Variants in FOXP1 observed in about 807,000 individuals in gnomAD.
FOXP1 encodes the protein forkhead box protein P1.
A neutral mutation model predicts 98.2 loss-of-function variants in FOXP1; 15 were observed. That is an observed-to-expected ratio of 0.15 (90% CI 0.10 to 0.24). FOXP1 has a LOEUF of 0.24. Among genes scored for constraint, FOXP1 ranks in the 10% least tolerant of loss-of-function variants. FOXP1 has a pLI of 1.00. For missense variants in FOXP1, 633 were observed against 848.5 expected, an observed-to-expected ratio of 0.75 and a Z score of 3.15; for synonymous variants, 371 against 314.5, an observed-to-expected ratio of 1.18 and a Z score of -1.90.
At chr3:71,349,328 G>A (rs114091292) in intron 4 of FOXP1, among the ~76,000 whole-genome samples, 3,134 of 152,104 alleles carry the variant, frequency 0.021, 112 homozygotes, top group African/African-American at 0.071. Context: ...TTAACATAAC[G>A]CACTTCAACA....
chr3:71,449,932 CAG>C (rs1185703740), intron 3 of FOXP1, among the ~76,000 whole-genome samples: 1 of 152,142 alleles, frequency 6.6e-6, no homozygotes, highest in Non-Finnish European at 1.5e-5. Context: ...TAAAAAATCT[CAG>C]AGAGGTGACT....
chr3:71,205,980 T>A (rs1479946622), intron 5 of FOXP1, among the ~76,000 whole-genome samples: 1 of 152,202 alleles, frequency 6.6e-6, no homozygotes, highest in Non-Finnish European at 1.5e-5. Flanking sequence ...CAGGAATAGT[T>A]TATATTTATC....
At chr3:70,974,027 A>C (rs1443930881) in intron 17 of FOXP1, among the ~76,000 whole-genome samples, 2 of 152,168 alleles carry the variant, frequency 1.3e-5, no homozygotes. Flanking sequence ...TTAGAAGATA[A>C]TGAGACAAGT....
chr3:71,491,923 G>C (rs1030455181), intron 3 of FOXP1, among the ~76,000 whole-genome samples: 1 of 152,148 alleles, frequency 6.6e-6, no homozygotes, highest in Non-Finnish European at 1.5e-5. Flanking sequence ...GGCTTAAAAA[G>C]CTAAATGGGC....
At chr3:71,165,142 T>C (rs2061338802) in intron 6 of FOXP1, among the ~76,000 whole-genome samples, 1 of 151,896 alleles carries the variant, frequency 6.6e-6, no homozygotes, top group African/African-American at 2.4e-5. Flanking sequence ...ACACTTTCTC[T>C]TTCCTGAAAG....
chr3:71,273,386 T>A (rs972987127), intron 5 of FOXP1, among the ~76,000 whole-genome samples: 1 of 152,208 alleles, frequency 6.6e-6, no homozygotes, highest in Non-Finnish European at 1.5e-5. Flanking sequence ...CCACCTCCAA[T>A]ACATGCTCAG....
At chr3:71,194,173 C>A (rs1392789040) in intron 6 of FOXP1, among the ~76,000 whole-genome samples, 1 of 150,610 alleles carries the variant, frequency 6.6e-6, no homozygotes, top group Non-Finnish European at 1.5e-5. Flanking sequence ...CTGCTCTCTT[C>A]ATATAAAATG....
intron 6 of FOXP1, among the ~76,000 whole-genome samples, chr3:71,143,896 C>T (rs546229020): frequency 4.3e-4 from 66 of 152,230 alleles, no homozygotes; most frequent in African/African-American, 1.5e-3. Flanking sequence ...GAAGATGGGG[C>T]TAAGTAAATA....
chr3:71,324,034 T>C (rs1027518503), intron 4 of FOXP1, among the ~76,000 whole-genome samples: 2 of 152,098 alleles, frequency 1.3e-5, no homozygotes, highest in African/African-American at 2.4e-5. Context: ...TGAGGAGAAA[T>C]TCTATAATTT....
chr3:71,318,970 G>A (rs1008150432), intron 4 of FOXP1, among the ~76,000 whole-genome samples: 1 of 152,190 alleles, frequency 6.6e-6, no homozygotes, highest in African/African-American at 2.4e-5. Flanking sequence ...ATTCAAGGAT[G>A]AGGAGGACAT....
In FOXP1 at chr3:71,174,987, C is replaced by A. The variant is rs1211302233; in HGVS notation, c.180+23215G>T. 2.6e-5 allele frequency among the ~76,000 whole-genome samples: 4 copies of A among 151,214 alleles called. No homozygotes were observed. In the East Asian group the frequency reaches 7.8e-4, roughly 29 times the overall value. ...GGAGAGCAGCGCCATGATCTCAGCT[C>A]ACTGCAACCTCCGCCCCCGGGTTCA... On this transcript the variant is annotated intron_variant, in intron 6 of 20. Transcript: ENST00000649528.
chr3:71,429,092 G>A (rs2108372957), intron 3 of FOXP1, among the ~76,000 whole-genome samples: 1 of 152,338 alleles, frequency 6.6e-6, no homozygotes, highest in South Asian at 2.1e-4. Context: ...CCAAGGCACA[G>A]GCTGGGGACG....
At chr3:71,126,210 C>T (rs1015434236) in intron 6 of FOXP1, among the ~76,000 whole-genome samples, 2 of 152,056 alleles carry the variant, frequency 1.3e-5, no homozygotes, top group Non-Finnish European at 2.9e-5. Flanking sequence ...TTTGGCCGGG[C>T]GTGGTGGCTC....
intron 5 of FOXP1, among the ~76,000 whole-genome samples, chr3:71,267,051 C>T (rs1036920844): frequency 6.6e-6 from 1 of 151,938 alleles, no homozygotes; most frequent in Non-Finnish European, 1.5e-5. Context: ...CACATCACCT[C>T]AATACATCAG....
At position 71,472,701 on chromosome 3, in the gene FOXP1, T is replaced by A. The variant is rs557843641; in HGVS notation, c.-168+20725A>T. ...ACTCCTAACAAGGCATTTTGTTAAT[T>A]TTAACTATTCTAGTCCATAAGAGAA... On this transcript the variant is annotated intron_variant, in intron 3 of 20. Coordinates refer to ENST00000649528, the MANE Select transcript of FOXP1 (RefSeq NM_001349338.3). Among the ~76,000 whole-genome samples, 3 of 152,318 alleles carry A rather than the reference T, an allele frequency of 2.0e-5. No individual in the cohort carries two copies. In the East Asian group the frequency reaches 5.8e-4, roughly 29 times the overall value.
At chr3:71,243,551 G>A (rs1479197326) in intron 5 of FOXP1, among the ~76,000 whole-genome samples, 1 of 152,184 alleles carries the variant, frequency 6.6e-6, no homozygotes, top group Non-Finnish European at 1.5e-5. Context: ...GGAACAAACT[G>A]CTCACTTTTA....
chr3:71,067,342 A>G (rs1359024011), intron 7 of FOXP1, among the ~76,000 whole-genome samples: 1 of 152,218 alleles, frequency 6.6e-6, no homozygotes, highest in East Asian at 1.9e-4. Flanking sequence ...GGATTCAGGA[A>G]GAACTGGAAC....
intron 3 of FOXP1, among the ~76,000 whole-genome samples, chr3:71,492,804 T>C (rs1265405461): frequency 6.6e-6 from 1 of 152,182 alleles, no homozygotes; most frequent in Non-Finnish European, 1.5e-5. Context: ...AGGGGAGTCA[T>C]TGATTGCTGA....
At chr3:71,530,040 T>C (rs1056121355) in intron 2 of FOXP1, among the ~76,000 whole-genome samples, 4 of 152,102 alleles carry the variant, frequency 2.6e-5, no homozygotes, top group Non-Finnish European at 5.9e-5. Flanking sequence ...ACCTGTGGGA[T>C]CTGATGCCAT....
Sources: allele counts gnomAD v4.1 joint callset (sites outside exome capture counted in the v4.1 genomes callset), GRCh38; gene constraint gnomAD v4.1.1; transcripts MANE v1.5; gene names NCBI Gene and HGNC (gene_info 2026-07-23, HGNC 2026-07-21).